Variants in CDH12 observed in about 807,000 individuals in gnomAD.
CDH12 encodes cadherin 12, also known as cadherin-12.
CDH12 carries 41 observed loss-of-function variants against 74.1 expected under a neutral mutation model. The observed-to-expected ratio is 0.55, with a 90% CI of 0.43 to 0.72. CDH12 has a LOEUF of 0.72. CDH12 is among the 30% of genes least tolerant of loss of function. The pLI, the probability that CDH12 is intolerant of heterozygous loss-of-function variation, is 0.00. For synonymous variants in CDH12, 399 were observed against 355.0 expected, an observed-to-expected ratio of 1.12 and a Z score of -1.39; for missense variants, 945 against 977.2, an observed-to-expected ratio of 0.97 and a Z score of 0.44.
At chr5:22,436,525 G>C (rs1167874628) in intron 2 of CDH12, among the ~76,000 whole-genome samples, 3 of 151,676 alleles carry the variant, frequency 2.0e-5, no homozygotes, top group African/African-American at 7.3e-5. Context: ...GCTGATTTGA[G>C]TAATAATAAA....
At chr5:22,253,349 A>T (rs1753198324) in intron 3 of CDH12, among the ~76,000 whole-genome samples, 1 of 152,056 alleles carries the variant, frequency 6.6e-6, no homozygotes, top group Non-Finnish European at 1.5e-5. Context: ...ACTGTTAATA[A>T]ATAAGTAAAA....
At chr5:21,883,951 T>C in intron 6 of CDH12, 1 of 1,607,616 alleles carries the variant, frequency 6.2e-7, no homozygotes, top group Non-Finnish European at 8.5e-7. Context: ...TTGGACTCAT[T>C]GACTCCAGCT....
In CDH12 at chr5:21,986,510, A is replaced by G. The variant is rs1294044946; in HGVS notation, c.232-11125T>C. On this transcript the variant is annotated intron_variant, in intron 5 of 14. Transcript: ENST00000382254. ...GGACCCAGGATTTGGGAAGAAAAAT[A>G]TGAGAGAAGGTTAAAATAACTTCTT... Among the ~76,000 whole-genome samples the G allele has an allele frequency of 3.3e-5, 5 of 152,210 alleles. No homozygotes were observed. The South Asian group carries it at 6.2e-4, about 19-fold the overall frequency.
At chr5:21,804,272 T>C (rs1306965277) in intron 9 of CDH12, among the ~76,000 whole-genome samples, 1 of 152,126 alleles carries the variant, frequency 6.6e-6, no homozygotes, top group Non-Finnish European at 1.5e-5. Context: ...TGGCCTTTGA[T>C]GACATGAATA....
intron 4 of CDH12, among the ~76,000 whole-genome samples, chr5:22,089,761 A>G (rs183422394): frequency 7.5e-4 from 114 of 152,262 alleles, no homozygotes; most frequent in African/African-American, 2.5e-3. Context: ...AAAATATGAG[A>G]ATTTCTGTAA....
intron 7 of CDH12, among the ~76,000 whole-genome samples, chr5:21,846,459 A>C (rs1422691698): frequency 6.6e-6 from 1 of 152,082 alleles, no homozygotes; most frequent in Non-Finnish European, 1.5e-5. Context: ...CCACTTCAAG[A>C]GTATGTCTGT....
At chr5:21,890,101 C>G (rs1489618384) in intron 6 of CDH12, among the ~76,000 whole-genome samples, 2 of 152,146 alleles carry the variant, frequency 1.3e-5, no homozygotes, top group Non-Finnish European at 2.9e-5. Flanking sequence ...CTGTTTTTCT[C>G]TTTGCAAAGT....
At chr5:22,408,180 T>C (rs1743018243) in intron 2 of CDH12, among the ~76,000 whole-genome samples, 1 of 145,576 alleles carries the variant, frequency 6.9e-6, no homozygotes, top group East Asian at 1.9e-4. Context: ...AAATGATGTG[T>C]TTTCCACTTT....
At chr5:22,499,938 C>T (rs544334534) in intron 2 of CDH12, among the ~76,000 whole-genome samples, 1 of 152,174 alleles carries the variant, frequency 6.6e-6, no homozygotes, top group Admixed American at 6.5e-5. Context: ...ATAATCATTG[C>T]CAGGGGATAT....
chr5:22,384,027 TA>T, intron 3 of CDH12, among the ~76,000 whole-genome samples: 1 of 152,274 alleles, frequency 6.6e-6, no homozygotes, highest in East Asian at 1.9e-4. Flanking sequence ...TGGGTTTTGC[TA>T]GATTTAAGCT....
At chr5:22,542,282 TA>T (rs1180248076) in intron 1 of CDH12, among the ~76,000 whole-genome samples, 6 of 152,174 alleles carry the variant, frequency 3.9e-5, no homozygotes. Context: ...AAAGCAATTT[TA>T]AAAAATTGGT....
intron 4 of CDH12, among the ~76,000 whole-genome samples, chr5:22,093,989 T>G (rs545913128): frequency 6.6e-6 from 1 of 152,300 alleles, no homozygotes; most frequent in Admixed American, 6.5e-5. Flanking sequence ...GTATTTCCAC[T>G]GATTTACATG....
chr5:22,444,514 G>T (rs1744743330), intron 2 of CDH12, among the ~76,000 whole-genome samples: 1 of 150,286 alleles, frequency 6.7e-6, no homozygotes, highest in South Asian at 2.1e-4. Context: ...CAAAGTCGTT[G>T]ATGCTGTCAC....
intron 3 of CDH12, among the ~76,000 whole-genome samples, chr5:22,262,482 A>G (rs980823286): frequency 1.3e-5 from 2 of 151,630 alleles, no homozygotes; most frequent in Non-Finnish European, 2.9e-5. Context: ...TCCATGGTGT[A>G]TATGTGCCAC....
At chr5:22,181,564 GC>G (rs1409264352) in intron 4 of CDH12, among the ~76,000 whole-genome samples, 3 of 151,808 alleles carry the variant, frequency 2.0e-5, no homozygotes, top group African/African-American at 7.3e-5. Flanking sequence ...TCAATCTCGG[GC>G]TTATTTATAT....
chr5:21,784,623 A>G (rs1445768536), intron 10 of CDH12, among the ~76,000 whole-genome samples: 2 of 152,140 alleles, frequency 1.3e-5, no homozygotes, highest in South Asian at 2.1e-4. Context: ...TCATCATTTT[A>G]TTCTAGCCTG....
intron 3 of CDH12, among the ~76,000 whole-genome samples, chr5:22,248,356 TTATTTTTAATTATTAATATTTTAC>T (rs1753029518): frequency 6.6e-6 from 1 of 152,052 alleles, no homozygotes; most frequent in Non-Finnish European, 1.5e-5. Context: ...CCATTTTGGA[TTATTTTTAATTATTAATATTTTAC>T]ACTATAAGTA....
intron 1 of CDH12, among the ~76,000 whole-genome samples, chr5:22,816,614 A>C (rs1387951813): frequency 1.3e-5 from 2 of 152,180 alleles, no homozygotes; most frequent in Non-Finnish European, 2.9e-5. Flanking sequence ...AAAGAAGATA[A>C]TTTAACATAT....
At chr5:22,075,868 A>G (rs1268330671) in intron 5 of CDH12, among the ~76,000 whole-genome samples, 1 of 152,040 alleles carries the variant, frequency 6.6e-6, no homozygotes, top group Non-Finnish European at 1.5e-5. Context: ...GTTCTATATT[A>G]TTTATAATAC....
Sources: gnomAD v4.1 joint callset for allele counts (sites outside exome capture counted in the v4.1 genomes callset) on GRCh38, gnomAD v4.1.1 for gene constraint, MANE v1.5 for transcripts, NCBI Gene and HGNC (gene_info 2026-07-23, HGNC 2026-07-21) for gene names.